The following TGM1 variants were observed in gnomAD, a reference collection of about 807,000 sequenced individuals.
TGM1 encodes transglutaminase 1.
In TGM1, 63 loss-of-function variants were observed where a neutral mutation model predicts 88.7. The ratio of observed to expected loss-of-function variants is 0.71; its 90% CI spans 0.58 to 0.88. TGM1 has a LOEUF of 0.88. TGM1 is among the 40% of genes least tolerant of loss of function. The pLI is 0.00. For synonymous variants in TGM1, 415 were observed against 431.1 expected (o/e 0.96, Z 0.46); for missense variants, 996 against 1,118.0 (o/e 0.89, Z 1.56).
In TGM1 at chr14:24,258,409, G is replaced by A. The variant is rs1243033680; in HGVS notation, c.1299-21C>T. 6.8e-6 allele frequency: 11 copies of A among 1,613,282 alleles called. No individual in the cohort carries two copies. In the South Asian group the frequency reaches 1.1e-4, roughly 16 times the overall value. ...AGTTCCTGGATGGACATGGAGGAGG[G>A]GCTGGGTCTGAGCCCCAGGGTCAGG... On this transcript the variant is annotated intron_variant, in intron 8 of 14. Transcript: ENST00000206765.
At position 24,259,953 on chromosome 14, in the gene TGM1, C is replaced by T; in HGVS notation, c.863G>A (p.Trp288Ter). The T allele has an allele frequency of 6.2e-7, 1 of 1,614,190 alleles. No individual in the cohort carries two copies. Among genetic ancestry groups the T allele is most frequent in the Non-Finnish European group, 8.5e-7 (1 of 1,180,026 alleles). Residue 288 changes from tryptophan (W) to a stop codon, truncating the protein, a stop_gained, in exon 5 of 15, where the codon TGG becomes TAG. Transcript: ENST00000206765. LOFTEE classifies it high-confidence loss of function. This position sits in a 1 kb window ranked among gnomAD's most constrained non-coding sequence, Gnocchi z 5.7. ...GTEAQIGERT[W>*]NYGQFDHGVL... Reference sequence around the variant, plus strand: ...GCCGCACCATACCTGGCCGTAGTTCCAGGTCCGCTCACCAATCTGTGCTTC... The same window carrying T: ...GCCGCACCATACCTGGCCGTAGTTCTAGGTCCGCTCACCAATCTGTGCTTC...
At chr14:24,254,117 G>A in intron 14 of TGM1, 35 bp downstream of exon 14, 2 of 1,595,952 alleles carry the variant, frequency 1.3e-6, no homozygotes, top group South Asian at 2.3e-5. Flanking sequence ...GAAGGCCAGA[G>A]TGGAAGCAGG....
intron 9 of TGM1, among the ~76,000 whole-genome samples, chr14:24,257,710 G>T (rs1298214630): frequency 6.6e-6 from 1 of 152,186 alleles, no homozygotes; most frequent in Non-Finnish European, 1.5e-5. Context: ...ATCACCAGAA[G>T]AACTTTCAAA....
intron 14 of TGM1, among the ~76,000 whole-genome samples, chr14:24,251,804 A>G (rs1286635349): frequency 6.6e-6 from 1 of 152,206 alleles, no homozygotes; most frequent in Non-Finnish European, 1.5e-5. Context: ...GGAAAAGGGC[A>G]GTTACCCACT....
At chr14:24,261,328 G>A (rs954654768) in intron 3 of TGM1, among the ~76,000 whole-genome samples, 2 of 152,130 alleles carry the variant, frequency 1.3e-5, no homozygotes, top group Non-Finnish European at 2.9e-5. Flanking sequence ...GCAGAGATGG[G>A]GGACATGGAA....
Position 24,255,497 on chromosome 14 carries a change from G to A in TGM1, c.1512C>T (p.Tyr504=), listed in dbSNP as rs1442654886. The change falls in exon 11 of 15, where the codon TAC becomes TAT. Residue 504 remains tyrosine, a synonymous_variant. Coordinates refer to ENST00000206765, the MANE Select transcript of TGM1 (RefSeq NM_000359.3). The surrounding 1 kb of genome is among the most constrained non-coding windows in gnomAD (Gnocchi z 4.0). ...IFAEVNSDKV[Y]WQRQDDGSFK... The stretch of plus-strand genomic sequence containing the variant: ...AGCTGCCATCATCCTGCCGCTGCCA[G>A]TACACCTTGTCACTATTCACCTGTG... 3.7e-6 allele frequency: 6 copies of A among 1,613,706 alleles called. No individual in the cohort carries two copies. The Admixed American group carries it at 1.0e-4, about 27-fold the overall frequency.
intron 4 of TGM1, 31 bp from the exon 5 acceptor site, chr14:24,260,089 C>T (rs1293915779): frequency 2.5e-6 from 4 of 1,577,956 alleles, no homozygotes; most frequent in Non-Finnish European, 3.5e-6. Flanking sequence ...AAACTGGTTC[C>T]CTCCAGTTCT....
Position 24,260,085 on chromosome 14 carries a change from G to A in TGM1, c.758-27C>T, listed in dbSNP as rs761946176. ...TGTGTCCCCAGAACACACAAAACTG[G>A]TTCCCTCCAGTTCTCTCCCTGGGCC... On this transcript the variant is annotated intron_variant, in intron 4 of 14. Coordinates refer to ENST00000206765, the MANE Select transcript of TGM1 (RefSeq NM_000359.3). The A allele has an allele frequency of 3.8e-6, 6 of 1,590,600 alleles. No individual in the cohort carries two copies. In the East Asian group the frequency reaches 1.1e-4, roughly 30 times the overall value.
intron 4 of TGM1, 126 bp from the exon 5 acceptor site, chr14:24,260,184 G>A (rs934987052): frequency 1.0e-6 from 1 of 1,004,016 alleles, no homozygotes; most frequent in African/African-American, 1.6e-5. Flanking sequence ...AGCCTGACAG[G>A]ACTGCTGTGG....
intron 4 of TGM1, 144 bp from the exon 5 acceptor site, chr14:24,260,202 C>T (rs181701690): frequency 4.3e-4 from 412 of 948,824 alleles, no homozygotes; most frequent in Non-Finnish European, 5.9e-4. Context: ...TGGGAGGACA[C>T]GGGGAGCATG....
At position 24,254,971 on chromosome 14, in the gene TGM1, C is replaced by A; in HGVS notation, c.1927+1G>T. The A allele has an allele frequency of 6.2e-7, 1 of 1,613,738 alleles. No individual in the cohort carries two copies. The highest frequency in any genetic ancestry group is 8.5e-7 in the Non-Finnish European group (1 of 1,180,018). ...GGCAGGGCTGGGTAAGGAGCACTTA[C>A]AGGCCCCTGGTGCCAGCTCCACTTC... On this transcript the variant is annotated splice_donor_variant, in intron 12 of 14. Coordinates refer to ENST00000206765, the MANE Select transcript of TGM1 (RefSeq NM_000359.3). LOFTEE classifies it high-confidence loss of function.
Position 24,259,734 on chromosome 14 carries a change from T to A in TGM1, c.954A>T (p.Pro318=), listed in dbSNP as rs1215019175. Residue 318 remains proline, a synonymous_variant, in exon 6 of 15, where the codon CCA becomes CCT. Transcript: ENST00000206765. This position sits in a 1 kb window ranked among gnomAD's most constrained non-coding sequence, Gnocchi z 5.7. The part of the protein sequence containing the change: ...RGMPYGGRGD[P]VNVSRVISAM... ...CAGAGATGACCCGGGAGACATTGAC[T>A]GGGTCTCCACGGCCTCCATATGGCA... The A allele has an allele frequency of 6.2e-7, 1 of 1,612,004 alleles. No individual in the cohort carries two copies. The highest frequency in any genetic ancestry group is 8.5e-7 in the Non-Finnish European group (1 of 1,179,366).
intron 14 of TGM1, among the ~76,000 whole-genome samples, chr14:24,251,539 C>T (rs1268286989): frequency 6.6e-6 from 1 of 152,226 alleles, no homozygotes; most frequent in Admixed American, 6.5e-5. Context: ...TACAAGCCAT[C>T]TGCTAAAGCT....
rs2040679360 is a variant in TGM1, at chr14:24,249,334, C to T, written c.2433G>A (p.Met811Ile). Residue 811 changes from methionine (M) to isoleucine (I), a missense_variant, in exon 15 of 15, where the codon ATG (methionine) becomes ATA (isoleucine). Transcript: ENST00000206765. Reference sequence around the variant, plus strand: ...GGGGCTAAGCTCCACCTCGAGATGCCATAGGGATGGTCTCTCCTAAGTGAC... The same window carrying T: ...GGGGCTAAGCTCCACCTCGAGATGCTATAGGGATGGTCTCTCCTAAGTGAC... ...GDSHLGETIP[M>I]ASRGGA 6.2e-7 allele frequency: 1 copy of T among 1,613,704 alleles called. No individual in the cohort carries two copies. Among genetic ancestry groups the T allele is most frequent in the Non-Finnish European group, 8.5e-7 (1 of 1,179,994 alleles).
At position 24,254,295 on chromosome 14, in the gene TGM1, G is replaced by A. The variant is rs1226283614; in HGVS notation, c.2089-7C>T. On this transcript the variant is annotated splice_polypyrimidine_tract_variant and splice_region_variant and intron_variant, in intron 13 of 14. Transcript: ENST00000206765. ...CCACTGCTGCTCCCAGTAACTGAGAGAAAAAGAGGCCCATCCCCCACGTCA... is the reference window on the plus strand; with the variant it reads ...CCACTGCTGCTCCCAGTAACTGAGAAAAAAAGAGGCCCATCCCCCACGTCA... 9 of 1,613,864 alleles carry A rather than the reference G, an allele frequency of 5.6e-6. No individual in the cohort carries two copies. Among genetic ancestry groups the A allele is most frequent in the Non-Finnish European group, 7.6e-6 (9 of 1,180,008 alleles).
intron 14 of TGM1, among the ~76,000 whole-genome samples, chr14:24,253,225 G>A (rs1358332030): frequency 6.6e-6 from 1 of 152,172 alleles, no homozygotes; most frequent in Non-Finnish European, 1.5e-5. Flanking sequence ...GGGTAATAAT[G>A]GCAATAATAA....
At chr14:24,261,556 C>A in intron 3 of TGM1, 139 bp downstream of exon 3, 2 of 1,104,932 alleles carry the variant, frequency 1.8e-6, no homozygotes, top group South Asian at 1.3e-5. Flanking sequence ...CAGGGGCACA[C>A]CCACACACTT....
Position 24,255,180 on chromosome 14 carries a change from C to G in TGM1, c.1719G>C (p.Arg573=), listed in dbSNP as rs1181272999. The change falls in exon 12 of 15, where the codon CGG becomes CGC. Residue 573 remains arginine (R), a synonymous_variant. Coordinates refer to ENST00000206765, the MANE Select transcript of TGM1 (RefSeq NM_000359.3). The surrounding 1 kb of genome is among the most constrained non-coding windows in gnomAD (Gnocchi z 4.0). ...GCATGGCCACATCCTCCGCTGAGCC[C>G]CGGTTGGCATACACATTGGGTTTGC... is the stretch of plus-strand genomic sequence containing the variant. The part of the protein sequence containing the change: ...HGSKPNVYAN[R]GSAEDVAMQV... The G allele has an allele frequency of 4.3e-6, 7 of 1,614,064 alleles. No individual in the cohort carries two copies. Among genetic ancestry groups the G allele is most frequent in the Non-Finnish European group, 5.9e-6 (7 of 1,180,036 alleles).
Position 24,249,517 on chromosome 14 carries a change from C to G in TGM1, c.2250G>C (p.Val750=). The G allele has an allele frequency of 6.2e-7, 1 of 1,614,040 alleles. No individual in the cohort carries two copies. The highest frequency in any genetic ancestry group is 1.1e-5 in the South Asian group (1 of 91,074). The part of the protein sequence containing the change: ...NVGDIGGNET[V]TLRQSFVPVR... ...CAGGCACAAACGACTGGCGCAGTGT[C>G]ACTGTTTCATTGCCTCCAATGTCCC... The change falls in exon 15 of 15, where the codon GTG becomes GTC. Residue 750 remains valine, a synonymous_variant. Coordinates refer to ENST00000206765, the MANE Select transcript of TGM1 (RefSeq NM_000359.3).
Sources: allele counts gnomAD v4.1 joint callset (sites outside exome capture counted in the v4.1 genomes callset), GRCh38; gene constraint gnomAD v4.1.1; non-coding constraint Gnocchi (gnomAD v3.1); transcripts MANE v1.5; gene names NCBI Gene and HGNC (gene_info 2026-07-23, HGNC 2026-07-21).